ABL1: variants seen among roughly 807,000 people sequenced by gnomAD.
ABL1 encodes the protein ABL proto-oncogene 1, non-receptor tyrosine kinase.
ABL1 carries 11 observed loss-of-function variants against 94.7 expected under a neutral mutation model. That is an observed-to-expected ratio of 0.12 (90% CI 0.07 to 0.19). The LOEUF (loss-of-function observed/expected upper bound fraction) is 0.19. Ranked by LOEUF, ABL1 falls within the 10% of genes least tolerant of loss-of-function variation. The pLI, the probability that ABL1 is intolerant of heterozygous loss-of-function variation, is 1.00. For missense variants in ABL1, 1,082 were observed against 1,489.4 expected (o/e 0.73, Z 4.50); for synonymous variants, 656 against 622.4 (o/e 1.05, Z -0.80).
chr9:130,778,534 T>C (rs1245689117), intron 1 of ABL1, among the ~76,000 whole-genome samples: 1 of 152,134 alleles, frequency 6.6e-6, no homozygotes, highest in Non-Finnish European at 1.5e-5. Context: ...CCGCCCTCTG[T>C]GTCTCACTCC....
At chr9:130,874,571 A>G (rs1016208496) in intron 6 of ABL1, among the ~76,000 whole-genome samples, 1 of 152,234 alleles carries the variant, frequency 6.6e-6, no homozygotes, top group Non-Finnish European at 1.5e-5. Context: ...GGTAGGTGCC[A>G]TTATTATCGT....
chr9:130,726,307 G>GTGCCCCCTTCCAGTTTCACTCC lies in ABL1; in HGVS notation c.136+11857_136+11878dup, dbSNP rs1831585319. Among the ~76,000 whole-genome samples the GTGCCCCCTTCCAGTTTCACTCC allele has an allele frequency of 1.5e-4, 23 of 152,216 alleles. No homozygotes were observed. The South Asian group carries it at 4.8e-3, about 32-fold the overall frequency. On this transcript the variant is annotated intron_variant, in intron 1 of 10. Transcript: ENST00000372348. ...TTGTGAGCACACCTCAGAAAGCCTT[G>GTGCCCCCTTCCAGTTTCACTCC]TGCCCCCTTCCAGTTTCACTCCTGC...
At chr9:130,781,193 T>C (rs1462967781) in intron 1 of ABL1, among the ~76,000 whole-genome samples, 1 of 152,226 alleles carries the variant, frequency 6.6e-6, no homozygotes, top group Non-Finnish European at 1.5e-5. Context: ...ATGGTAAGAT[T>C]AATTCACAGA....
chr9:130,765,112 T>C (rs1832165416), intron 1 of ABL1, among the ~76,000 whole-genome samples: 1 of 152,238 alleles, frequency 6.6e-6, no homozygotes, highest in Admixed American at 6.5e-5. Flanking sequence ...TAAATATGAA[T>C]AATTTGCTTT....
At chr9:130,838,270 C>G (rs1175468995) in intron 1 of ABL1, among the ~76,000 whole-genome samples, 2 of 119,568 alleles carry the variant, frequency 1.7e-5, no homozygotes, top group Non-Finnish European at 3.4e-5. Context: ...GGATGCTCTA[C>G]TGATGTCTCT....
At chr9:130,740,819 ATTT>A (rs34323373) in intron 1 of ABL1, among the ~76,000 whole-genome samples, 2 of 97,808 alleles carry the variant, frequency 2.0e-5, no homozygotes, top group African/African-American at 4.1e-5. Flanking sequence ...CCACACCCAG[ATTT>A]TTTTTTTTTT....
Position 130,783,959 on chromosome 9 carries a change from G to A in ABL1, c.136+69504G>A, listed in dbSNP as rs530422618. ...GGATTAGCCACAGCACCCAGCTTGT[G>A]CATGTGTGTTTTTAAGAAAACGTCC... On this transcript the variant is annotated intron_variant, in intron 1 of 10. Coordinates refer to the ABL1 transcript ENST00000372348. 2.9e-3 allele frequency among the ~76,000 whole-genome samples: 444 copies of A among 152,230 alleles called. 3 individuals are homozygous for A. The highest frequency in any genetic ancestry group is 3.6e-3 in the Non-Finnish European group (246 of 67,996).
At chr9:130,869,601 C>G (rs569976433) in intron 4 of ABL1, among the ~76,000 whole-genome samples, 1 of 152,334 alleles carries the variant, frequency 6.6e-6, no homozygotes, top group East Asian at 1.9e-4. Flanking sequence ...CCATCTCCCT[C>G]CCTAACAAGC....
At chr9:130,860,536 T>C (rs1831054695) in intron 3 of ABL1, among the ~76,000 whole-genome samples, 1 of 152,100 alleles carries the variant, frequency 6.6e-6, no homozygotes. Flanking sequence ...ATCCGCCAGT[T>C]GGGGAACGCT....
rs1448757818 is a variant in ABL1 at position 130,880,609 on chromosome 9, C to T, written c.1623C>T (p.His541=). 1 of 1,613,816 alleles carries T rather than the reference C, an allele frequency of 6.2e-7. No individual in the cohort carries two copies. Among genetic ancestry groups the T allele is most frequent in the Non-Finnish European group, 8.5e-7 (1 of 1,179,882 alleles). Residue 541 remains histidine, a synonymous_variant, in exon 10 of 11, where the codon CAC becomes CAT. Transcript: ENST00000318560. This position sits in a 1 kb window ranked among gnomAD's most constrained non-coding sequence, Gnocchi z 4.4. ...KTRTSRRAAE[H]RDTTDVPEMP... ...GGACCTCCAGGAGAGCTGCAGAGCACAGAGACACCACTGACGTGCCTGAGA... is the reference window on the plus strand; with the variant it reads ...GGACCTCCAGGAGAGCTGCAGAGCATAGAGACACCACTGACGTGCCTGAGA...
chr9:130,809,268 C>T (rs992474548), intron 1 of ABL1, among the ~76,000 whole-genome samples: 6 of 152,078 alleles, frequency 3.9e-5, no homozygotes, highest in East Asian at 1.9e-4. Context: ...GAACCATTTA[C>T]GGAGTTCACA....
intron 1 of ABL1, among the ~76,000 whole-genome samples, chr9:130,840,013 C>T (rs1459367634): frequency 1.3e-5 from 2 of 152,302 alleles, no homozygotes; most frequent in African/African-American, 4.8e-5. Flanking sequence ...ATCCCTACCT[C>T]ACTGAGTTGT....
upstream of ABL1, chr9:130,834,999 C>A: frequency 2.7e-6 from 1 of 372,786 alleles, no homozygotes; most frequent in Non-Finnish European, 5.4e-6. Context: ...TGGAGCAGGC[C>A]TGCACCCTCC....
chr9:130,747,140 C>T lies in ABL1; in HGVS notation c.136+32685C>T, dbSNP rs150888973. Among the ~76,000 whole-genome samples, 1,277 of 152,102 alleles carry T rather than the reference C, an allele frequency of 8.4e-3. 26 individuals carry two copies. The highest frequency in any genetic ancestry group is 0.03 in the African/African-American group (1,243 of 41,484). ...CTGTAATCCCAGCACTTTGGGAAGC[C>T]GAGGAGGGCAGATTGCTTGAGCTCA... On this transcript the variant is annotated intron_variant, in intron 1 of 10. Coordinates refer to the ABL1 transcript ENST00000372348.
At chr9:130,860,761 A>G (rs1341000468) in intron 3 of ABL1, among the ~76,000 whole-genome samples, 1 of 152,206 alleles carries the variant, frequency 6.6e-6, no homozygotes, top group Non-Finnish European at 1.5e-5. Flanking sequence ...GGAGCACATC[A>G]TCAGCTGAGC....
At chr9:130,848,782 CAAA>C in intron 1 of ABL1, among the ~76,000 whole-genome samples, 1 of 150,990 alleles carries the variant, frequency 6.6e-6, no homozygotes, top group East Asian at 2.0e-4. Flanking sequence ...ACTAAAAATA[CAAA>C]AAAAGTAGCC....
chr9:130,842,834 C>T (rs1830696434), intron 1 of ABL1, among the ~76,000 whole-genome samples: 1 of 152,220 alleles, frequency 6.6e-6, no homozygotes, highest in Non-Finnish European at 1.5e-5. Flanking sequence ...TCTGCGGCCA[C>T]TGCAGGGATT....
At chr9:130,874,814 G>A (rs1287377444) in intron 6 of ABL1, 54 bp from the exon 7 acceptor site, 1 of 1,576,418 alleles carries the variant, frequency 6.3e-7, no homozygotes, top group African/African-American at 1.3e-5. Flanking sequence ...TGGTGGATTT[G>A]TGAAGTGGAA....
At chr9:130,766,213 G>C (rs1320858970) in intron 1 of ABL1, among the ~76,000 whole-genome samples, 2 of 152,240 alleles carry the variant, frequency 1.3e-5, no homozygotes, top group Admixed American at 1.3e-4. Flanking sequence ...TCGGCCCCCA[G>C]TGCCCCCGCC....
Sources: gnomAD v4.1 joint callset for allele counts (sites outside exome capture counted in the v4.1 genomes callset) on GRCh38, gnomAD v4.1.1 for gene constraint, Gnocchi (gnomAD v3.1) non-coding constraint, MANE v1.5 for transcripts, NCBI Gene and HGNC (gene_info 2026-07-23, HGNC 2026-07-21) for gene names.